PCDHA10: variants seen among roughly 807,000 people sequenced by gnomAD.
PCDHA10 encodes the protein protocadherin alpha 10, also known as protocadherin alpha-10.
A neutral mutation model predicts 61.2 loss-of-function variants in PCDHA10; 45 were observed. The ratio of observed to expected loss-of-function variants is 0.74; its 90% confidence interval spans 0.58 to 0.94. The LOEUF (loss-of-function observed/expected upper bound fraction) is 0.94. Among genes scored for constraint, PCDHA10 ranks in the 40% least tolerant of loss-of-function variants. The pLI is 0.00. For missense variants in PCDHA10, 1,278 were observed against 1,236.2 expected (o/e 1.03, Z -0.51); for synonymous variants, 602 against 548.8 (o/e 1.10, Z -1.35).
intron 1 of PCDHA10, chr5:140,884,276 G>C: frequency 6.8e-6 from 11 of 1,613,638 alleles, no homozygotes; most frequent in Non-Finnish European, 9.3e-6. Context: ...GTTGTCGCTG[G>C]TGGAGAGCGG....
In PCDHA10 at chr5:141,010,551, C is replaced by T. The variant is rs2098417607; in HGVS notation, c.*614C>T. ...AGCCACCCTCTAGGAGACAAAACTA[C>T]CCCCACTGACAAGGCTTTAGGAGAC... On this transcript the variant is annotated 3_prime_UTR_variant, in exon 4 of 4. Coordinates refer to ENST00000307360, the MANE Select transcript of PCDHA10 (RefSeq NM_018901.4). The T allele has an allele frequency of 9.3e-6, 3 of 323,786 alleles. No homozygotes were observed. Among genetic ancestry groups the T allele is most frequent in the African/African-American group, 2.1e-5 (1 of 47,406 alleles). The allele number at this position is 323,786 out of a possible 1,614,324, so 20.1% of individuals were successfully genotyped here.
intron 1 of PCDHA10, chr5:140,881,341 G>C (rs1422783424): frequency 1.5e-5 from 15 of 984,968 alleles, no homozygotes; most frequent in Non-Finnish European, 1.7e-5. Flanking sequence ...ACGCCGATTC[G>C]GGCTACAATG....
intron 1 of PCDHA10, among the ~76,000 whole-genome samples, chr5:140,958,419 A>G (rs1275772647): frequency 6.6e-6 from 1 of 152,196 alleles, no homozygotes; most frequent in Non-Finnish European, 1.5e-5. Flanking sequence ...GCTTGGAAAG[A>G]AGCACTTTTT....
In PCDHA10 at chr5:140,856,678, G is replaced by A; in HGVS notation, c.630G>A (p.Leu210=). 5 of 1,597,744 alleles carry A rather than the reference G, an allele frequency of 3.1e-6. No homozygotes were observed. Among genetic ancestry groups the A allele is most frequent in the Non-Finnish European group, 4.3e-6 (5 of 1,167,296 alleles). Residue 210 remains leucine (L), a synonymous_variant, in exon 1 of 4, where the codon TTG becomes TTA. Coordinates refer to ENST00000307360, the MANE Select transcript of PCDHA10 (RefSeq NM_018901.4). ...AAGAAAATCCTCAGCTAAAGTTGTT[G>A]TTGACAGCAACTGATGGAGGCAAAC... The part of the protein sequence containing the change: ...DREENPQLKL[L]LTATDGGKPE...
chr5:140,910,808 G>A (rs535429898), intron 1 of PCDHA10, among the ~76,000 whole-genome samples: 1 of 152,170 alleles, frequency 6.6e-6, no homozygotes, highest in South Asian at 2.1e-4. Flanking sequence ...TGCTTAGTGG[G>A]CCCAAATCAA....
chr5:140,899,513 C>T (rs4552682), intron 1 of PCDHA10, among the ~76,000 whole-genome samples: 7,065 of 152,042 alleles, frequency 0.046, 286 homozygotes, highest in African/African-American at 0.11. Flanking sequence ...GCATATATTG[C>T]ATCCCAGGGA....
In PCDHA10 at chr5:140,887,671, A is replaced by G. The variant is rs1417615702; in HGVS notation, c.2388+29235A>G. Among the ~76,000 whole-genome samples, 4 of 152,008 alleles carry G rather than the reference A, an allele frequency of 2.6e-5. No homozygotes were observed. In the East Asian group the frequency reaches 7.7e-4, roughly 29 times the overall value. The stretch of plus-strand genomic sequence containing the variant: ...ATATTCTTGGATCTGTGGATTTATC[A>G]TTTTCATCAAATTCAGGAAAAAATC... On this transcript the variant is annotated intron_variant, in intron 1 of 3. Transcript: ENST00000307360.
intron 1 of PCDHA10, among the ~76,000 whole-genome samples, chr5:140,891,891 A>G (rs1278331991): frequency 5.9e-5 from 9 of 152,214 alleles, no homozygotes; most frequent in Admixed American, 5.9e-4. Flanking sequence ...GTGACGATGC[A>G]GCAAGAAGAT....
chr5:140,898,392 T>G (rs1464159946), intron 1 of PCDHA10, among the ~76,000 whole-genome samples: 3 of 152,224 alleles, frequency 2.0e-5, no homozygotes, highest in African/African-American at 7.2e-5. Flanking sequence ...GGATCCAGTT[T>G]CAGCTTTCTA....
chr5:140,966,453 C>G, intron 1 of PCDHA10: 1 of 426,310 alleles, frequency 2.3e-6, no homozygotes, highest in Non-Finnish European at 4.1e-6. Flanking sequence ...TTCCCCCTCC[C>G]CCTCTGTCTT....
intron 1 of PCDHA10, among the ~76,000 whole-genome samples, chr5:140,909,245 G>T (rs189143592): frequency 2.6e-5 from 4 of 152,288 alleles, no homozygotes; most frequent in African/African-American, 7.2e-5. Flanking sequence ...AAGATATATT[G>T]CTGGCCTTGC....
At chr5:140,956,788 G>T (rs2095310590) in intron 1 of PCDHA10, among the ~76,000 whole-genome samples, 1 of 152,094 alleles carries the variant, frequency 6.6e-6, no homozygotes, top group African/African-American at 2.4e-5. Flanking sequence ...GGCTTTGTTT[G>T]CTTGGTGGGC....
At position 140,868,819 on chromosome 5, in the gene PCDHA10, G is replaced by A. The variant is rs2050665181; in HGVS notation, c.2388+10383G>A. The A allele has an allele frequency of 7.5e-5, 29 of 388,032 alleles. No individual in the cohort carries two copies. In the East Asian group the frequency reaches 1.2e-3, roughly 16 times the overall value. The allele number at this position is 388,032 out of a possible 1,614,324, so 24.0% of individuals were successfully genotyped here. On this transcript the variant is annotated intron_variant, in intron 1 of 3. Transcript: ENST00000307360. ...ATAAATAAGCACGTTGGAAATATTT[G>A]GGGGAAGAAACCCAAAACACGTGAA...
At chr5:140,969,385 C>A in intron 1 of PCDHA10, 1 of 1,598,120 alleles carries the variant, frequency 6.3e-7, no homozygotes, top group East Asian at 2.2e-5. Context: ...TTACACATCC[C>A]CCAATATCCT....
intron 3 of PCDHA10, among the ~76,000 whole-genome samples, chr5:140,991,912 A>G (rs1022060256): frequency 1.3e-5 from 2 of 152,150 alleles, no homozygotes; most frequent in Non-Finnish European, 2.9e-5. Context: ...CCCTTTTGCC[A>G]TGTAACATAA....
At chr5:140,927,822 T>C in intron 1 of PCDHA10, 1 of 1,614,152 alleles carries the variant, frequency 6.2e-7, no homozygotes, top group Non-Finnish European at 8.5e-7. Context: ...AGGCATACAT[T>C]GAGGCGAGGG....
chr5:140,921,098 A>G (rs1007745080), intron 1 of PCDHA10, among the ~76,000 whole-genome samples: 2 of 151,708 alleles, frequency 1.3e-5, no homozygotes, highest in South Asian at 2.1e-4. Context: ...CTCCTGCCTC[A>G]GTCTCCTAAG....
intron 1 of PCDHA10, among the ~76,000 whole-genome samples, chr5:140,976,780 A>G (rs2096731008): frequency 6.6e-6 from 1 of 152,224 alleles, no homozygotes; most frequent in Non-Finnish European, 1.5e-5. Context: ...CTCTGACTAT[A>G]TAGCTACGCT....
At chr5:140,966,489 C>A in intron 1 of PCDHA10, 2 of 440,146 alleles carry the variant, frequency 4.5e-6, no homozygotes, top group Non-Finnish European at 7.9e-6. Flanking sequence ...TTCCCTCCCC[C>A]TGGAGCTGTA....
Sources: gnomAD v4.1 joint callset for allele counts (sites outside exome capture counted in the v4.1 genomes callset) on GRCh38, gnomAD v4.1.1 for gene constraint, MANE v1.5 for transcripts, NCBI Gene and HGNC (gene_info 2026-07-23, HGNC 2026-07-21) for gene names.